SOX5: variants seen among roughly 807,000 people sequenced by gnomAD.
SOX5 encodes the protein SRY-box transcription factor 5, also known as transcription factor SOX-5.
Under a neutral mutation model 92.0 loss-of-function variants are expected in SOX5, and 9 were observed. The ratio of observed to expected loss-of-function variants is 0.10; its 90% CI spans 0.06 to 0.17. The LOEUF (loss-of-function observed/expected upper bound fraction) is 0.17, where lower values mean the gene tolerates loss of function less well. SOX5 is among the 10% of genes least tolerant of loss of function. The probability of loss-of-function intolerance (pLI) is 1.00; values close to 1 mark genes in which losing one functional copy is unlikely to be tolerated. For missense variants in SOX5, 642 were observed against 944.5 expected (o/e 0.68, Z 4.20); for synonymous variants, 344 against 336.3 (o/e 1.02, Z -0.25).
At chr12:24,063,716 A>G (rs1007084170) in intron 4 of SOX5, among the ~76,000 whole-genome samples, 5 of 152,322 alleles carry the variant, frequency 3.3e-5, no homozygotes, top group African/African-American at 9.6e-5. Context: ...GAAATACTCT[A>G]AATTTTCAAC....
intron 1 of SOX5, among the ~76,000 whole-genome samples, chr12:24,514,595 C>T (rs773613054): frequency 7.9e-5 from 12 of 152,300 alleles, no homozygotes; most frequent in South Asian, 2.1e-4. Context: ...TATAAAGACA[C>T]GTGCATGTAT....
intron 7 of SOX5, among the ~76,000 whole-genome samples, chr12:23,643,585 A>G (rs2080416892): frequency 6.6e-6 from 1 of 152,210 alleles, no homozygotes; most frequent in Non-Finnish European, 1.5e-5. Flanking sequence ...AAAAATTTGG[A>G]CTGTGGGATG....
At chr12:24,454,786 T>C (rs983512994) in intron 1 of SOX5, among the ~76,000 whole-genome samples, 5 of 152,170 alleles carry the variant, frequency 3.3e-5, no homozygotes, top group African/African-American at 1.2e-4. Context: ...ATGGTAATAA[T>C]AACTAATTTT....
chr12:24,379,876 C>CTTTTTTTTTT (rs10652256), intron 1 of SOX5, among the ~76,000 whole-genome samples: 1 of 139,718 alleles, frequency 7.2e-6, no homozygotes, highest in Admixed American at 7.2e-5. Flanking sequence ...CCAGAAGATT[C>CTTTTTTTTTT]TTTTTTTTTT....
chr12:23,585,482 G>A (rs1052735720), intron 9 of SOX5, among the ~76,000 whole-genome samples: 1 of 152,150 alleles, frequency 6.6e-6, no homozygotes, highest in Non-Finnish European at 1.5e-5. Context: ...ATAGAGGAAA[G>A]GGGGCAGTCA....
chr12:24,179,971 G>T (rs142832696), intron 4 of SOX5, among the ~76,000 whole-genome samples: 6 of 151,178 alleles, frequency 4.0e-5, no homozygotes, highest in African/African-American at 1.2e-4. Context: ...GAAAAGTTAT[G>T]GGACCTCACT....
chr12:24,370,037 T>C (rs1956561982), intron 1 of SOX5, among the ~76,000 whole-genome samples: 1 of 152,206 alleles, frequency 6.6e-6, no homozygotes, highest in East Asian at 1.9e-4. Context: ...ATAGAAATTG[T>C]TTTGGGGTTT....
chr12:23,612,339 C>A (rs919579560), intron 8 of SOX5, among the ~76,000 whole-genome samples: 2 of 151,832 alleles, frequency 1.3e-5, no homozygotes, highest in Admixed American at 1.3e-4. Context: ...AAAATGTGAC[C>A]AATGAGATTG....
At chr12:23,720,675 G>A (rs891505049) in intron 6 of SOX5, among the ~76,000 whole-genome samples, 3 of 152,030 alleles carry the variant, frequency 2.0e-5, no homozygotes, top group Non-Finnish European at 4.4e-5. Flanking sequence ...TTTTTTATAT[G>A]TACCTTCCAA....
chr12:23,976,459 G>C (rs934804832), intron 4 of SOX5, among the ~76,000 whole-genome samples: 3 of 143,670 alleles, frequency 2.1e-5, no homozygotes, highest in African/African-American at 7.7e-5. Flanking sequence ...GAGGAAGAAA[G>C]GTAAAGAAGT....
At chr12:24,010,175 A>G (rs953011935) in intron 4 of SOX5, among the ~76,000 whole-genome samples, 1 of 152,236 alleles carries the variant, frequency 6.6e-6, no homozygotes, top group African/African-American at 2.4e-5. Context: ...CCATTTATCA[A>G]TAGATTTGTC....
chr12:24,209,374 T>C (rs1318425155), intron 4 of SOX5, among the ~76,000 whole-genome samples: 1 of 152,212 alleles, frequency 6.6e-6, no homozygotes, highest in Non-Finnish European at 1.5e-5. Context: ...TATTTATCAG[T>C]TGAATGATAA....
intron 2 of SOX5, among the ~76,000 whole-genome samples, chr12:24,350,954 G>A (rs1168449957): frequency 6.6e-6 from 1 of 152,130 alleles, no homozygotes; most frequent in Non-Finnish European, 1.5e-5. Flanking sequence ...CTACCTGAGA[G>A]GCTGAGGCAT....
At chr12:24,110,667 C>T (rs1259123382) in intron 4 of SOX5, among the ~76,000 whole-genome samples, 1 of 151,930 alleles carries the variant, frequency 6.6e-6, no homozygotes, top group East Asian at 1.9e-4. Flanking sequence ...GGACGGATCA[C>T]GAGGTCAGGA....
chr12:24,142,426 A>G (rs928660107), intron 4 of SOX5, among the ~76,000 whole-genome samples: 5 of 152,152 alleles, frequency 3.3e-5, no homozygotes, highest in Admixed American at 2.6e-4. Context: ...GACTACACCC[A>G]AAGTTGTATT....
chr12:23,847,548 G>A (rs184083327), intron 2 of SOX5, among the ~76,000 whole-genome samples: 10 of 151,818 alleles, frequency 6.6e-5, no homozygotes, highest in East Asian at 1.9e-4. Flanking sequence ...AAATAGATAC[G>A]TCAACACAAA....
chr12:23,978,604 A>G (rs778205571), intron 4 of SOX5, among the ~76,000 whole-genome samples: 12 of 152,190 alleles, frequency 7.9e-5, no homozygotes, highest in Non-Finnish European at 1.3e-4. Context: ...CTTTAAACCT[A>G]AAGGATAAGG....
At chr12:23,584,124 G>A (rs959838528) in intron 9 of SOX5, among the ~76,000 whole-genome samples, 6 of 152,020 alleles carry the variant, frequency 3.9e-5, no homozygotes, top group African/African-American at 1.4e-4. Context: ...CTATCAAAAG[G>A]AAAGCACAAC....
chr12:23,925,887 T>C (rs1939805362), intron 1 of SOX5, among the ~76,000 whole-genome samples: 1 of 152,058 alleles, frequency 6.6e-6, no homozygotes, highest in Non-Finnish European at 1.5e-5. Flanking sequence ...AAATGATAAA[T>C]AAAATATCTC....
Sources: gnomAD v4.1 joint callset for allele counts (sites outside exome capture counted in the v4.1 genomes callset) on GRCh38, gnomAD v4.1.1 for gene constraint, MANE v1.5 for transcripts, NCBI Gene and HGNC (gene_info 2026-07-23, HGNC 2026-07-21) for gene names.